RBM4B: variants seen among roughly 807,000 people sequenced by gnomAD.
The protein encoded by RBM4B is RNA-binding protein 4B.
RBM4B carries 13 observed loss-of-function variants against 28.5 expected under a neutral mutation model. The ratio of observed to expected loss-of-function variants is 0.46; its 90% CI spans 0.30 to 0.72. The LOEUF is 0.72. Ranked by LOEUF, RBM4B falls within the 30% of genes least tolerant of loss-of-function variation. The pLI is 0.09. For synonymous variants in RBM4B, 167 were observed against 179.1 expected, an observed-to-expected ratio of 0.93 and a Z score of 0.54; for missense variants, 387 against 477.6, an observed-to-expected ratio of 0.81 and a Z score of 1.77.
intron 3 of RBM4B, chr11:66,667,736 C>T (rs1332305814): frequency 3.3e-5 from 5 of 151,216 alleles, no homozygotes; most frequent in Admixed American, 1.3e-4. Context: ...GACAGTCTCA[C>T]TCTGTTGCCC....
At chr11:66,671,505 C>T (rs1400113788) in intron 2 of RBM4B, among the ~76,000 whole-genome samples, 1 of 152,148 alleles carries the variant, frequency 6.6e-6, no homozygotes, top group Non-Finnish European at 1.5e-5. Context: ...GGAGCCAATC[C>T]AGAGACCTAA....
rs1390607567 is a variant in RBM4B at position 66,665,357 on chromosome 11, A to G, written c.*231T>C. ...GCATAATCCTTACCTAGGGCTGCTC[A>G]GAGGCTGAGAATATAAGGAACAGAG... On this transcript the variant is annotated 3_prime_UTR_variant, in exon 4 of 4. Coordinates refer to ENST00000310046, the MANE Select transcript of RBM4B (RefSeq NM_031492.4). 1.7e-6 allele frequency: 1 copy of G among 587,304 alleles called. No homozygotes were observed. Among genetic ancestry groups the G allele is most frequent in the East Asian group, 2.9e-5 (1 of 34,878 alleles). The allele number at this position is 587,304 out of a possible 1,614,324, so 36.4% of individuals were successfully genotyped here.
At chr11:66,674,215 TTTTTC>T (rs1163953468) in intron 2 of RBM4B, among the ~76,000 whole-genome samples, 1 of 150,664 alleles carries the variant, frequency 6.6e-6, no homozygotes, top group African/African-American at 2.4e-5. Context: ...GTAGCTTTTC[TTTTTC>T]TTTTCTTTCT....
At chr11:66,677,343 A>G in intron 1 of RBM4B, 1 of 546,602 alleles carries the variant, frequency 1.8e-6, no homozygotes, top group Middle Eastern at 4.8e-4. Flanking sequence ...AGCGCAATGA[A>G]ATACCAGAAT....
At position 66,668,998 on chromosome 11, in the gene RBM4B, C is replaced by A; in HGVS notation, c.706G>T (p.Ala236Ser). 5 of 1,614,224 alleles carry A rather than the reference C, an allele frequency of 3.1e-6. No individual in the cohort carries two copies. Among genetic ancestry groups the A allele is most frequent in the Non-Finnish European group, 4.2e-6 (5 of 1,180,030 alleles). Residue 236 changes from alanine (A) to serine (S), a missense_variant, in exon 3 of 4, where the codon GCA becomes TCA. Physicochemically the swap from Ala to Ser is moderately conservative, Grantham distance 99 (BLOSUM62 1). Around this residue, in one of 2 missense-constraint regions of RBM4B, gnomAD observed 226 missense variants for 220.6 expected, o/e 1.02. Coordinates refer to ENST00000310046, the MANE Select transcript of RBM4B (RefSeq NM_031492.4). ...GCGTAGTTGTATGCAGAAGCCGCTG[C>A]CGCCGCTGCTACTGCCTCATAAGAG... is the stretch of plus-strand genomic sequence containing the variant. ...VRSYEAVAAA[A>S]AASAYNYAEQ...
At chr11:66,665,776 T>A in intron 3 of RBM4B, 198 bp from the exon 4 acceptor site, 2 of 1,336,492 alleles carry the variant, frequency 1.5e-6, no homozygotes, top group Non-Finnish European at 2.0e-6. Flanking sequence ...AATCCACTTA[T>A]GGCTATATAT....
At chr11:66,667,810 A>T (rs1939299439) in intron 3 of RBM4B, 1 of 151,886 alleles carries the variant, frequency 6.6e-6, no homozygotes, top group Admixed American at 6.6e-5. Context: ...GGGCTCAAGC[A>T]ATCCTTCCAA....
intron 2 of RBM4B, among the ~76,000 whole-genome samples, chr11:66,670,076 A>G (rs1411734115): frequency 6.6e-6 from 1 of 152,216 alleles, no homozygotes; most frequent in Non-Finnish European, 1.5e-5. Context: ...CCACATCAAT[A>G]GTCCGTCCAT....
intron 2 of RBM4B, among the ~76,000 whole-genome samples, chr11:66,671,714 A>G (rs1290707185): frequency 6.6e-6 from 1 of 152,082 alleles, no homozygotes; most frequent in African/African-American, 2.4e-5. Flanking sequence ...GTAGTTGTGA[A>G]AAGGATGCAG....
intron 3 of RBM4B, chr11:66,666,125 G>C (rs1939224236): frequency 3.8e-6 from 3 of 783,568 alleles, no homozygotes; most frequent in Admixed American, 6.9e-5. Context: ...CTGTCACAGA[G>C]TGAGAGCCAC....
chr11:66,666,420 T>G (rs1262273199), intron 3 of RBM4B: 3 of 988,332 alleles, frequency 3.0e-6, no homozygotes, highest in Non-Finnish European at 3.6e-6. Flanking sequence ...TATTTCATCC[T>G]GGCAGCCTCA....
chr11:66,673,208 C>G (rs1302882360), intron 2 of RBM4B, among the ~76,000 whole-genome samples: 1 of 151,608 alleles, frequency 6.6e-6, no homozygotes, highest in Non-Finnish European at 1.5e-5. Flanking sequence ...CACCTGAACT[C>G]TCACACATTC....
chr11:66,672,063 A>G (rs1939476989), intron 2 of RBM4B, among the ~76,000 whole-genome samples: 1 of 151,890 alleles, frequency 6.6e-6, no homozygotes, highest in South Asian at 2.1e-4. Flanking sequence ...TTTAACCTAG[A>G]ACTAAAAAAA....
At chr11:66,667,771 A>C (rs879497042) in intron 3 of RBM4B, 8 of 151,750 alleles carry the variant, frequency 5.3e-5, no homozygotes, top group Non-Finnish European at 1.0e-4. Context: ...TGGTGTGATC[A>C]TAGCTCACTG....
chr11:66,675,387 A>T (rs1939604435), intron 2 of RBM4B, among the ~76,000 whole-genome samples: 1 of 152,216 alleles, frequency 6.6e-6, no homozygotes, highest in Non-Finnish European at 1.5e-5. Flanking sequence ...CACACTAGTT[A>T]ATGGTAGGAA....
chr11:66,676,505 C>T, intron 2 of RBM4B, 163 bp downstream of exon 2: 1 of 843,420 alleles, frequency 1.2e-6, no homozygotes, highest in Non-Finnish European at 1.8e-6. Flanking sequence ...GAAGTGTTTG[C>T]TTCCCCAGGG....
At chr11:66,669,817 T>C (rs1277763601) in intron 2 of RBM4B, among the ~76,000 whole-genome samples, 1 of 152,252 alleles carries the variant, frequency 6.6e-6, no homozygotes, top group Non-Finnish European at 1.5e-5. Flanking sequence ...ACTTTCTACT[T>C]AGGCCAGGAA....
rs373215042 is a variant in RBM4B, at chr11:66,676,797, G to T, written c.283C>A (p.Arg95=). ...GGACCATACTCCTCAAACTTGGCTC[G>T]AAGCTCTTGGTTGGTACAAGTGGGG... ...ISPTCTNQEL[R]AKFEEYGPVI... Residue 95 remains arginine, a synonymous_variant, in exon 2 of 4, where the codon CGA becomes AGA. Coordinates refer to ENST00000310046, the MANE Select transcript of RBM4B (RefSeq NM_031492.4). 5.0e-6 allele frequency: 8 copies of T among 1,614,034 alleles called. No homozygotes were observed. In the African/African-American group the frequency reaches 1.1e-4, roughly 22 times the overall value.
intron 2 of RBM4B, among the ~76,000 whole-genome samples, chr11:66,671,139 G>A (rs756696791): frequency 6.6e-5 from 10 of 152,180 alleles, no homozygotes; most frequent in Non-Finnish European, 1.5e-4. Flanking sequence ...AGAAACAAAA[G>A]TGCTCAGGCT....
Sources: gnomAD v4.1 joint callset for allele counts (sites outside exome capture counted in the v4.1 genomes callset) on GRCh38, gnomAD v4.1.1 for gene constraint, gnomAD v4.1.1 regional missense constraint, MANE v1.5 for transcripts, NCBI Gene and HGNC (gene_info 2026-07-23, HGNC 2026-07-21) for gene names.